Variants in ANKMY1 observed in about 807,000 individuals in gnomAD.
The protein encoded by ANKMY1 is ankyrin repeat and MYND domain-containing protein 1.
Under a neutral mutation model 102.0 loss-of-function variants are expected in ANKMY1, and 98 were observed. That is an observed-to-expected ratio of 0.96 (90% confidence interval 0.82 to 1.14). The LOEUF is 1.14. ANKMY1 is among the 50% of genes most tolerant of loss of function. The pLI, the probability that ANKMY1 is intolerant of heterozygous loss-of-function variation, is 0.00. For synonymous variants in ANKMY1, 582 were observed against 559.9 expected, an observed-to-expected ratio of 1.04 and a Z score of -0.56; for missense variants, 1,330 against 1,347.6, an observed-to-expected ratio of 0.99 and a Z score of 0.20.
At chr2:240,515,787 G>A (rs556498279) in intron 9 of ANKMY1, among the ~76,000 whole-genome samples, 8 of 151,862 alleles carry the variant, frequency 5.3e-5, no homozygotes, top group South Asian at 2.1e-4. Context: ...GCGCGATCTC[G>A]ACTCACTGCA....
At chr2:240,519,659 C>G (rs1434629300) in intron 9 of ANKMY1, 1 of 156,462 alleles carries the variant, frequency 6.4e-6, no homozygotes, top group South Asian at 1.9e-4. Flanking sequence ...GGGGTACACA[C>G]TGCCCAGGGG....
At chr2:240,526,672 G>A in intron 5 of ANKMY1, 2 of 1,426,510 alleles carry the variant, frequency 1.4e-6, no homozygotes, top group East Asian at 2.6e-5. Context: ...AAGATGCTTG[G>A]GCTATATGTC....
intron 4 of ANKMY1, 60 bp downstream of exon 4, chr2:240,552,854 C>G: frequency 6.2e-7 from 1 of 1,610,448 alleles, no homozygotes; most frequent in Non-Finnish European, 8.5e-7. Flanking sequence ...TCTTTTTGTC[C>G]AGTGGCTTAG....
intron 13 of ANKMY1, among the ~76,000 whole-genome samples, chr2:240,502,661 C>T (rs1034856853): frequency 6.6e-6 from 1 of 151,952 alleles, no homozygotes; most frequent in African/African-American, 2.4e-5. Flanking sequence ...CCCAGAGTGA[C>T]CACCTCATCC....
intron 15 of ANKMY1, among the ~76,000 whole-genome samples, chr2:240,493,970 C>T (rs1350538637): frequency 6.6e-6 from 1 of 152,122 alleles, no homozygotes; most frequent in African/African-American, 2.4e-5. Flanking sequence ...ACAGTGTGTA[C>T]TGATGTTGGC....
At chr2:240,544,853 G>T (rs2089952027) in intron 4 of ANKMY1, among the ~76,000 whole-genome samples, 1 of 152,254 alleles carries the variant, frequency 6.6e-6, no homozygotes, top group South Asian at 2.1e-4. Context: ...GGCTCGGAGG[G>T]TCCTACGCCC....
intron 4 of ANKMY1, among the ~76,000 whole-genome samples, chr2:240,536,685 T>C (rs1383895167): frequency 6.6e-6 from 1 of 152,160 alleles, no homozygotes; most frequent in East Asian, 1.9e-4. Flanking sequence ...TACAAGAAAA[T>C]ATTACATATG....
intron 2 of ANKMY1, 46 bp from the exon 3 acceptor site, chr2:240,555,101 T>A (rs767604551): frequency 1.3e-5 from 20 of 1,593,582 alleles, no homozygotes; most frequent in Admixed American, 1.7e-5. Flanking sequence ...GTGGCTGCAG[T>A]GCCTTCAGTG....
chr2:240,543,781 C>A (rs1238188370), intron 4 of ANKMY1, among the ~76,000 whole-genome samples: 1 of 152,038 alleles, frequency 6.6e-6, no homozygotes, highest in Non-Finnish European at 1.5e-5. Context: ...TAATTTGAAA[C>A]CTTATAATTA....
In ANKMY1 at chr2:240,482,220, TG is replaced by T; in HGVS notation, c.2847del (p.Ser950AlafsTer8). 1.2e-6 allele frequency: 2 copies of T among 1,612,974 alleles called. No homozygotes were observed. Among genetic ancestry groups the T allele is most frequent in the Non-Finnish European group, 1.7e-6 (2 of 1,179,474 alleles). On this transcript the variant is annotated frameshift_variant, in exon 16 of 18. Coordinates refer to ENST00000401804, the MANE Select transcript of ANKMY1 (RefSeq NM_001282771.3). LOFTEE classifies it high-confidence loss of function. ...IPSHRMKKKG[P>X]SLPRGLDVKE... Reference sequence around the variant, plus strand: ...TTCACATCCAGGCCCCTGGGCAGGCTGGGGCCCTTCTTCTTCATCCTGTGGC... The same window carrying T: ...TTCACATCCAGGCCCCTGGGCAGGCTGGGCCCTTCTTCTTCATCCTGTGGC...
intron 3 of ANKMY1, 145 bp downstream of exon 3, chr2:240,554,721 G>T: frequency 1.1e-6 from 1 of 943,434 alleles, no homozygotes; most frequent in African/African-American, 1.6e-5. Flanking sequence ...CTTTTCTCTG[G>T]ACATTTCTCA....
intron 5 of ANKMY1, chr2:240,526,942 C>T: frequency 9.5e-7 from 1 of 1,057,994 alleles, no homozygotes; most frequent in Non-Finnish European, 1.1e-6. Context: ...CCCCTTTTCA[C>T]AATCGAGAAC....
chr2:240,527,660 GGACAAATGGGTA>G (rs2084018236), intron 5 of ANKMY1: 1 of 150,720 alleles, frequency 6.6e-6, no homozygotes, highest in Non-Finnish European at 1.5e-5. Flanking sequence ...GTGGGTGGGT[GGACAAATGGGTA>G]GGTGGGTAGG....
rs1310800239 is a variant in ANKMY1 at position 240,509,399 on chromosome 2, C to T, written c.2343G>A (p.Leu781=). The T allele has an allele frequency of 6.2e-7, 1 of 1,613,770 alleles. No individual in the cohort carries two copies. The highest frequency in any genetic ancestry group is 1.7e-5 in the Admixed American group (1 of 60,002). ...GGGAGAGCGGGGAGTGGCCACTCCA[C>T]AGCAGGTTAGGATTTGCTCCGTGGG... ...LLSHGANPNL[L]WSGHSPLSLS... Residue 781 remains leucine (L), a synonymous_variant, in exon 12 of 18, where the codon CTG becomes CTA. Transcript: ENST00000401804.
chr2:240,551,029 G>C, intron 4 of ANKMY1, among the ~76,000 whole-genome samples: 1 of 152,210 alleles, frequency 6.6e-6, no homozygotes, highest in Non-Finnish European at 1.5e-5. Flanking sequence ...CTGGATGAGA[G>C]AGAAAACTTC....
At chr2:240,550,851 T>C (rs970674117) in intron 4 of ANKMY1, among the ~76,000 whole-genome samples, 3 of 152,224 alleles carry the variant, frequency 2.0e-5, no homozygotes, top group Non-Finnish European at 4.4e-5. Context: ...CATCTCTATC[T>C]TTTGACTATG....
Position 240,509,390 on chromosome 2 carries a change from G to T in ANKMY1, c.2352C>A (p.Gly784=). 1 of 1,613,770 alleles carries T rather than the reference G, an allele frequency of 6.2e-7. No individual in the cohort carries two copies. The highest frequency in any genetic ancestry group is 1.3e-5 in the African/African-American group (1 of 75,010). The change falls in exon 12 of 18, where the codon GGC becomes GGA. Residue 784 remains glycine, a synonymous_variant. Coordinates refer to ENST00000401804, the MANE Select transcript of ANKMY1 (RefSeq NM_001282771.3). ...HGANPNLLWS[G]HSPLSLSIAS... ...CAATGGACAGGGAGAGCGGGGAGTG[G>T]CCACTCCACAGCAGGTTAGGATTTG...
intron 4 of ANKMY1, among the ~76,000 whole-genome samples, chr2:240,542,681 T>A (rs1295268075): frequency 6.7e-6 from 1 of 149,808 alleles, no homozygotes; most frequent in Admixed American, 6.7e-5. Flanking sequence ...TGAATCTTTG[T>A]ATCTGTGTGT....
chr2:240,505,567 G>C (rs567140233), intron 13 of ANKMY1, among the ~76,000 whole-genome samples: 2 of 152,126 alleles, frequency 1.3e-5, no homozygotes, highest in Non-Finnish European at 2.9e-5. Flanking sequence ...GAAGAGAAAC[G>C]TGTCCATTGG....
Sources: allele counts gnomAD v4.1 joint callset (sites outside exome capture counted in the v4.1 genomes callset), GRCh38; gene constraint gnomAD v4.1.1; transcripts MANE v1.5; gene names NCBI Gene and HGNC (gene_info 2026-07-23, HGNC 2026-07-21).